DMBT1: variants seen among roughly 807,000 people sequenced by gnomAD.
The protein encoded by DMBT1 is deleted in malignant brain tumors 1.
A neutral mutation model predicts 252.9 loss-of-function variants in DMBT1; 198 were observed. The ratio of observed to expected loss-of-function variants is 0.78; its 90% confidence interval spans 0.70 to 0.88. The LOEUF (loss-of-function observed/expected upper bound fraction) is 0.88. Ranked by LOEUF, DMBT1 falls within the 40% of genes least tolerant of loss-of-function variation. The pLI is 0.00. For missense variants in DMBT1, 2,432 were observed against 2,404.7 expected (o/e 1.01, Z -0.24); for synonymous variants, 990 against 942.7 (o/e 1.05, Z -0.92).
Position 122,598,852 on chromosome 10 carries a change from G to T in DMBT1, c.3035G>T (p.Gly1012Val). 1 of 1,613,776 alleles carries T rather than the reference G, an allele frequency of 6.2e-7. No homozygotes were observed. Among genetic ancestry groups the T allele is most frequent in the Non-Finnish European group, 8.5e-7 (1 of 1,179,770 alleles). ...GGCCGAGTGGAGGTCCTATACCAAG[G>T]CTCCTGGGGCACCGTGTGCGATGAC... ...CQGRVEVLYQ[G>V]SWGTVCDDSW... The change falls in exon 26 of 56, where the codon GGC (glycine) becomes GTC (valine). Residue 1012 changes from glycine to valine, a missense_variant. By Grantham distance (109) the Gly-to-Val change is moderately radical. This residue lies in a region of DMBT1 where 1,264 missense variants were observed against 1,082.2 expected (regional missense o/e 1.17). Coordinates refer to ENST00000338354, the MANE Select transcript of DMBT1 (RefSeq NM_001377530.1).
At position 122,643,472 on chromosome 10, in the gene DMBT1, T is replaced by G. The variant is rs1844944861; in HGVS notation, c.*74T>G. On this transcript the variant is annotated 3_prime_UTR_variant, in exon 56 of 56. Transcript: ENST00000338354. Reference sequence around the variant, plus strand: ...CGGGGACTTGGGATGTTCCTCTTGGTGTCATATTCCAACTCAGATTGAGCC... The same window carrying G: ...CGGGGACTTGGGATGTTCCTCTTGGGGTCATATTCCAACTCAGATTGAGCC... 2.6e-6 allele frequency: 4 copies of G among 1,514,218 alleles called. No homozygotes were observed. The highest frequency in any genetic ancestry group is 4.6e-4 in the Middle Eastern group (2 of 4,312). The allele number at this position is 1,514,218 out of a possible 1,614,324, so 93.8% of individuals were successfully genotyped here.
intron 40 of DMBT1, 27 bp downstream of exon 40, chr10:122,617,287 G>C (rs2097997198): frequency 6.2e-7 from 1 of 1,605,834 alleles, no homozygotes; most frequent in African/African-American, 1.4e-5. Context: ...CCCCTCCCTA[G>C]GGCTCACTAT....
At chr10:122,567,568 A>G (rs1372839705) in intron 2 of DMBT1, among the ~76,000 whole-genome samples, 1 of 152,108 alleles carries the variant, frequency 6.6e-6, no homozygotes, top group Admixed American at 6.5e-5. Context: ...CAAGTTTCTC[A>G]TAATCTCAAA....
intron 40 of DMBT1, 63 bp downstream of exon 40, chr10:122,617,323 C>T: frequency 1.3e-6 from 2 of 1,562,348 alleles, no homozygotes; most frequent in Non-Finnish European, 1.8e-6. Context: ...GTGTTTGAAA[C>T]TGATAGGATG....
At chr10:122,641,064 A>G (rs1312443141) in intron 55 of DMBT1, among the ~76,000 whole-genome samples, 2 of 152,224 alleles carry the variant, frequency 1.3e-5, no homozygotes, top group Non-Finnish European at 2.9e-5. Context: ...TGAAGATGGC[A>G]GGAGCCCTGC....
rs141491879 is a variant in DMBT1, at chr10:122,579,949, C to T, written c.1003+48C>T. On this transcript the variant is annotated intron_variant, in intron 10 of 55. Transcript: ENST00000338354. ...TCACTCTCTTGGGGTGGAGTTTGCT[C>T]CAAAAGAAACTCCTAATTACATTCT... The T allele has an allele frequency of 1.4e-3, 2,248 of 1,612,514 alleles. 66 individuals are homozygous for T. The East Asian group carries it at 0.044, about 31-fold the overall frequency.
intron 46 of DMBT1, among the ~76,000 whole-genome samples, chr10:122,626,687 G>C (rs1201845632): frequency 6.6e-6 from 1 of 152,170 alleles, no homozygotes; most frequent in Non-Finnish European, 1.5e-5. Context: ...AATGATGTAA[G>C]AGACAAACTG....
Position 122,592,437 on chromosome 10 carries a change from C to A in DMBT1, c.2342C>A (p.Ser781Ter). ...CRQLGCGWAT[S>*]APGNARFGQG... ...CAGCTGGGCTGTGGCTGGGCCACGT[C>A]GGCCCCAGGAAATGCCCGGTTTGGC... The change falls in exon 20 of 56, where the codon TCG becomes TAG. Residue 781 changes from serine to a stop codon, truncating the protein, a stop_gained. Coordinates refer to ENST00000338354, the MANE Select transcript of DMBT1 (RefSeq NM_001377530.1). LOFTEE classifies it high-confidence loss of function. 6.3e-7 allele frequency: 1 copy of A among 1,588,256 alleles called. No homozygotes were observed. The highest frequency in any genetic ancestry group is 8.6e-7 in the Non-Finnish European group (1 of 1,165,730).
chr10:122,565,947 C>G lies in DMBT1; in HGVS notation c.62-20C>G. 2 of 1,613,242 alleles carry G rather than the reference C, an allele frequency of 1.2e-6. No individual in the cohort carries two copies. The highest frequency in any genetic ancestry group is 2.2e-5 in the South Asian group (2 of 90,956). On this transcript the variant is annotated intron_variant, in intron 1 of 55. Coordinates refer to ENST00000338354, the MANE Select transcript of DMBT1 (RefSeq NM_001377530.1). The stretch of plus-strand genomic sequence containing the variant: ...TCATTTCTAAACAGTGTTTCTAAGA[C>G]GAATTTGTGTTCTTTCCAGGTGGGT...
chr10:122,624,749 T>A (rs2098102974), intron 44 of DMBT1, among the ~76,000 whole-genome samples: 1 of 152,198 alleles, frequency 6.6e-6, no homozygotes, highest in African/African-American at 2.4e-5. Context: ...GGATGATGTG[T>A]GCTGCTCAGG....
At chr10:122,634,833 C>CG (rs1457819916) in intron 52 of DMBT1, among the ~76,000 whole-genome samples, 1 of 152,216 alleles carries the variant, frequency 6.6e-6, no homozygotes, top group East Asian at 1.9e-4. Flanking sequence ...TCCAAGGAGG[C>CG]GGGTGGCCCA....
chr10:122,573,811 C>T (rs376363880), intron 6 of DMBT1, 49 bp downstream of exon 6: 18 of 1,597,088 alleles, frequency 1.1e-5, no homozygotes, highest in Non-Finnish European at 1.5e-5. Context: ...CCCCCTGCAC[C>T]CCTAGGTTAA....
chr10:122,617,546 T>C (rs1173266720), intron 40 of DMBT1, among the ~76,000 whole-genome samples: 5 of 151,588 alleles, frequency 3.3e-5, no homozygotes, highest in African/African-American at 1.2e-4. Flanking sequence ...CTGGGACCTC[T>C]TTCCTGGCCC....
At position 122,579,831 on chromosome 10, in the gene DMBT1, G is replaced by C; in HGVS notation, c.933G>C (p.Trp311Cys). ...GCTCAGGACATGAGTCCTACCTGTG[G>C]AGCTGCCCCCACAATGGCTGGCTCA... is the stretch of plus-strand genomic sequence containing the variant. ...VRCSGHESYL[W>C]SCPHNGWLTH... Residue 311 changes from tryptophan (W) to cysteine (C), a missense_variant, in exon 10 of 56, where the codon TGG (tryptophan) becomes TGC (cysteine). Physicochemically the swap from Trp to Cys is radical, Grantham distance 215. Transcript: ENST00000338354. 1 of 1,613,652 alleles carries C rather than the reference G, an allele frequency of 6.2e-7. No individual in the cohort carries two copies. Among genetic ancestry groups the C allele is most frequent in the African/African-American group, 1.3e-5 (1 of 75,026 alleles).
intron 10 of DMBT1, 40 bp downstream of exon 10, chr10:122,579,941 A>C (rs1308747534): frequency 6.2e-7 from 1 of 1,612,930 alleles, no homozygotes; most frequent in Non-Finnish European, 8.5e-7. Context: ...CTTGGGGTGG[A>C]GTTTGCTCCA....
rs758043812 is a variant in DMBT1, at chr10:122,621,243, T to G, written c.5471T>G (p.Phe1824Cys). The G allele has an allele frequency of 6.2e-7, 1 of 1,613,852 alleles. No individual in the cohort carries two copies. The highest frequency in any genetic ancestry group is 1.7e-5 in the Admixed American group (1 of 60,012). The change falls in exon 44 of 56, where the codon TTT becomes TGT. Residue 1824 changes from phenylalanine (F) to cysteine (C), a missense_variant. Transcript: ENST00000338354. Reference protein sequence around the residue: ...WAMSAPGNARFGQGSGPIVLD... With the variant: ...WAMSAPGNARCGQGSGPIVLD... Reference sequence around the variant, plus strand: ...ATGTCGGCCCCAGGAAATGCCCGGTTTGGCCAGGGCTCAGGACCCATTGTC... The same window carrying G: ...ATGTCGGCCCCAGGAAATGCCCGGTGTGGCCAGGGCTCAGGACCCATTGTC...
At chr10:122,569,806 G>A (rs1406912237) in intron 2 of DMBT1, among the ~76,000 whole-genome samples, 1 of 152,218 alleles carries the variant, frequency 6.6e-6, no homozygotes, top group Non-Finnish European at 1.5e-5. Context: ...ATCAGTGATG[G>A]TGAATGTTTG....
At chr10:122,593,815 T>C (rs2097875190) in intron 21 of DMBT1, among the ~76,000 whole-genome samples, 1 of 145,922 alleles carries the variant, frequency 6.9e-6, no homozygotes, top group Non-Finnish European at 1.5e-5. Context: ...CCCTCTCAGC[T>C]TTCATGAAAC....
intron 43 of DMBT1, 100 bp downstream of exon 43, chr10:122,620,391 T>C: frequency 7.0e-7 from 1 of 1,431,664 alleles, no homozygotes; most frequent in Non-Finnish European, 9.7e-7. Context: ...GCGCCTCTGT[T>C]TTTCATGTTT....
Sources: gnomAD v4.1 joint callset for allele counts (sites outside exome capture counted in the v4.1 genomes callset) on GRCh38, gnomAD v4.1.1 for gene constraint, gnomAD v4.1.1 regional missense constraint, MANE v1.5 for transcripts, NCBI Gene and HGNC (gene_info 2026-07-23, HGNC 2026-07-21) for gene names.